The following SYT1 variants were observed in gnomAD, a reference collection of about 807,000 sequenced individuals.
The protein encoded by SYT1 is synaptotagmin 1.
A neutral mutation model predicts 44.8 loss-of-function variants in SYT1; 8 were observed. The observed-to-expected ratio is 0.18, with a 90% CI of 0.10 to 0.32. SYT1 has a LOEUF of 0.32. Among genes scored for constraint, SYT1 ranks in the 10% least tolerant of loss-of-function variants. The probability of loss-of-function intolerance (pLI) is 1.00; values close to 1 mark genes in which losing one functional copy is unlikely to be tolerated. For synonymous variants in SYT1, 154 were observed against 188.8 expected (o/e 0.82, Z 1.51); for missense variants, 286 against 509.3 (o/e 0.56, Z 4.22).
At chr12:78,867,399 T>C (rs2137028873) in intron 1 of SYT1, among the ~76,000 whole-genome samples, 1 of 152,190 alleles carries the variant, frequency 6.6e-6, no homozygotes. Flanking sequence ...TTCTAAAAAA[T>C]TCAATATCTG....
intron 4 of SYT1, among the ~76,000 whole-genome samples, chr12:79,267,028 C>G (rs1659663848): frequency 1.3e-5 from 2 of 152,144 alleles, no homozygotes; most frequent in South Asian, 4.1e-4. Context: ...TCAATGCAAT[C>G]AAATCTTTCC....
intron 8 of SYT1, among the ~76,000 whole-genome samples, chr12:79,323,578 A>G (rs901973558): frequency 1.3e-5 from 2 of 152,248 alleles, no homozygotes; most frequent in African/African-American, 2.4e-5. Flanking sequence ...TATGGCAAAT[A>G]GAAACACTAA....
At chr12:79,048,793 C>G (rs1265714478) in intron 3 of SYT1, among the ~76,000 whole-genome samples, 1 of 151,760 alleles carries the variant, frequency 6.6e-6, no homozygotes, top group Non-Finnish European at 1.5e-5. Flanking sequence ...TTGAAACCTG[C>G]AAATCTGCGT....
intron 3 of SYT1, among the ~76,000 whole-genome samples, chr12:79,174,703 A>G (rs553376571): frequency 1.3e-5 from 2 of 152,196 alleles, no homozygotes; most frequent in East Asian, 3.9e-4. Flanking sequence ...AGAAGGTGTC[A>G]TAATTTAATC....
At chr12:79,303,902 C>T (rs918539421) in intron 8 of SYT1, among the ~76,000 whole-genome samples, 11 of 152,106 alleles carry the variant, frequency 7.2e-5, no homozygotes, top group African/African-American at 1.9e-4. Context: ...AGCAATCAGA[C>T]GGCAACTATG....
chr12:79,142,730 A>G (rs544845364), intron 3 of SYT1, among the ~76,000 whole-genome samples: 2 of 152,362 alleles, frequency 1.3e-5, no homozygotes, highest in East Asian at 3.9e-4. Context: ...AGCAAAGAAT[A>G]AAATAGCTAT....
rs560971132 is a variant in SYT1 at position 79,300,541 on chromosome 12, A to G, written c.810+990A>G. Among the ~76,000 whole-genome samples, 6 of 151,988 alleles carry G rather than the reference A, an allele frequency of 3.9e-5. No homozygotes were observed. The South Asian group carries it at 6.3e-4, about 16-fold the overall frequency. The stretch of plus-strand genomic sequence containing the variant: ...CTCAGCCTAAGGTTTTCTGTGACCA[A>G]TCTGAGGCTATGAACTTTATACCCC... On this transcript the variant is annotated intron_variant, in intron 8 of 10. Transcript: ENST00000261205.
intron 3 of SYT1, among the ~76,000 whole-genome samples, chr12:79,140,165 G>A (rs886823329): frequency 3.2e-4 from 48 of 152,096 alleles, no homozygotes; most frequent in African/African-American, 1.1e-3. Flanking sequence ...TGCCACAGTC[G>A]CTTAAAATAT....
intron 1 of SYT1, among the ~76,000 whole-genome samples, chr12:78,905,142 ATGTCT>A (rs1875894992): frequency 6.6e-6 from 1 of 152,180 alleles, no homozygotes; most frequent in Non-Finnish European, 1.5e-5. Context: ...ATCTTGAGAA[ATGTCT>A]TCCTGTTTTC....
At chr12:79,367,989 G>A (rs1444008882) in intron 9 of SYT1, among the ~76,000 whole-genome samples, 1 of 151,648 alleles carries the variant, frequency 6.6e-6, no homozygotes, top group African/African-American at 2.4e-5. Flanking sequence ...GTGCCATGCT[G>A]GTGTGCTGCA....
chr12:78,931,399 AG>A (rs1877734030), intron 1 of SYT1, among the ~76,000 whole-genome samples: 1 of 108,880 alleles, frequency 9.2e-6, no homozygotes, highest in Non-Finnish European at 1.8e-5. Flanking sequence ...GAAGGAAGGG[AG>A]GAGAGAGGAA....
intron 9 of SYT1, among the ~76,000 whole-genome samples, chr12:79,417,416 A>G (rs1918184): frequency 0.89 from 134,780 of 152,044 alleles, 61,615 homozygotes; most frequent in East Asian, 1. Flanking sequence ...CTTTCCCGCA[A>G]CCTGCCTTGG....
chr12:79,438,836 G>A (rs549953549), intron 9 of SYT1, among the ~76,000 whole-genome samples: 10 of 152,138 alleles, frequency 6.6e-5, no homozygotes, highest in East Asian at 1.9e-4. Flanking sequence ...TCATATCCCC[G>A]TAGCTTTAAC....
intron 3 of SYT1, among the ~76,000 whole-genome samples, chr12:79,122,530 AAAAAG>A (rs1868292448): frequency 6.6e-6 from 1 of 150,410 alleles, no homozygotes; most frequent in Admixed American, 6.6e-5. Context: ...AAAAAAAAAA[AAAAAG>A]AGATTCATAT....
intron 2 of SYT1, among the ~76,000 whole-genome samples, chr12:78,996,110 AT>A (rs1870364010): frequency 6.6e-6 from 1 of 152,174 alleles, no homozygotes; most frequent in Middle Eastern, 3.2e-3. Flanking sequence ...TATAGGTATA[AT>A]TTGACCTCTT....
At chr12:79,331,074 A>C (rs900509097) in intron 8 of SYT1, among the ~76,000 whole-genome samples, 6 of 152,238 alleles carry the variant, frequency 3.9e-5, no homozygotes, top group African/African-American at 1.4e-4. Context: ...AACCTGTTCA[A>C]TTTTACCCTC....
At chr12:79,206,212 A>C (rs535380844) in intron 3 of SYT1, among the ~76,000 whole-genome samples, 1 of 152,366 alleles carries the variant, frequency 6.6e-6, no homozygotes, top group South Asian at 2.1e-4. Context: ...CTCAATACTC[A>C]GATTTGATAA....
At chr12:78,981,125 G>GTTTTTTT (rs1171068435) in intron 2 of SYT1, among the ~76,000 whole-genome samples, 3 of 122,692 alleles carry the variant, frequency 2.4e-5, no homozygotes, top group Non-Finnish European at 3.4e-5. Context: ...TTGTTTCTTT[G>GTTTTTTT]TTTTTTTTTT....
chr12:79,041,610 C>A (rs1397277883), intron 2 of SYT1, among the ~76,000 whole-genome samples: 2 of 152,048 alleles, frequency 1.3e-5, no homozygotes, highest in Non-Finnish European at 2.9e-5. Context: ...ATTGAATACC[C>A]TTTATTTCCT....
Sources: allele counts gnomAD v4.1 joint callset (sites outside exome capture counted in the v4.1 genomes callset), GRCh38; gene constraint gnomAD v4.1.1; transcripts MANE v1.5; gene names NCBI Gene and HGNC (gene_info 2026-07-23, HGNC 2026-07-21).